The following RBM23 variants were observed in gnomAD, a reference collection of about 807,000 sequenced individuals.
RBM23 encodes the protein RNA binding motif protein 23.
In RBM23, 53 loss-of-function variants were observed where a neutral mutation model predicts 56.2. That is an observed-to-expected ratio of 0.94 (90% confidence interval 0.76 to 1.19). RBM23 has a LOEUF of 1.19. Among genes scored for constraint, RBM23 ranks in the 50% most tolerant of loss-of-function variants. The pLI is 0.00. For missense variants in RBM23, 642 were observed against 590.3 expected (o/e 1.09, Z -0.91); for synonymous variants, 197 against 198.5 (o/e 0.99, Z 0.06).
At chr14:22,915,903 T>C (rs2139136487) in intron 1 of RBM23, among the ~76,000 whole-genome samples, 1 of 152,362 alleles carries the variant, frequency 6.6e-6, no homozygotes, top group East Asian at 1.9e-4. Context: ...TAACGTTTTT[T>C]GAACTGCTCA....
Position 22,905,554 on chromosome 14 carries a change from A to C in RBM23, c.455+52T>G, listed in dbSNP as rs1414028459. ...ACATTCCTGTAATTTGGCTCAAATA[A>C]CCTTTTATTCATACCTCACAATCCC... On this transcript the variant is annotated intron_variant, in intron 6 of 13. Coordinates refer to ENST00000359890, the MANE Select transcript of RBM23 (RefSeq NM_001077351.2). The C allele has an allele frequency of 1.9e-6, 3 of 1,601,378 alleles. No homozygotes were observed. In the East Asian group the frequency reaches 6.7e-5, roughly 36 times the overall value.
intron 4 of RBM23, among the ~76,000 whole-genome samples, 190 bp from the exon 5 acceptor site, chr14:22,906,558 T>C (rs2041598478): frequency 6.6e-6 from 1 of 152,226 alleles, no homozygotes; most frequent in Non-Finnish European, 1.5e-5. Context: ...AACCAAACTA[T>C]TACCTACTGC....
rs959697028 is a variant in RBM23 at position 22,915,550 on chromosome 14, C to T, written c.-11+3449G>A. Among the ~76,000 whole-genome samples, 72 of 130,000 alleles carry T rather than the reference C, an allele frequency of 5.5e-4. 1 individual carries two copies. The Admixed American group carries it at 6.0e-3, about 11-fold the overall frequency. The allele number at this position is 130,000 out of a possible 152,430, so 85.3% of individuals were successfully genotyped here. On this transcript the variant is annotated intron_variant, in intron 1 of 13. Transcript: ENST00000359890. ...TAGCTCTGTTGTCCAGGCTGGAGTG[C>T]GGTGGCACAATCTCAGTTCACGCCA...
At chr14:22,901,779 T>C in intron 13 of RBM23, 35 bp downstream of exon 13, 1 of 1,613,894 alleles carries the variant, frequency 6.2e-7, no homozygotes, top group Middle Eastern at 1.6e-4. Flanking sequence ...AAGAGAATAA[T>C]CAAAGGCTAG....
Position 22,901,592 on chromosome 14 carries a change from G to A in RBM23, c.*138C>T. ...GAGCTTTTCTTGGTATCTTAAGGGT[G>A]GCCCCAATTTCCTCAGAGACAATGT... is the stretch of plus-strand genomic sequence containing the variant. On this transcript the variant is annotated 3_prime_UTR_variant, in exon 14 of 14. Transcript: ENST00000359890. 7.9e-7 allele frequency: 1 copy of A among 1,270,994 alleles called. No individual in the cohort carries two copies. The highest frequency in any genetic ancestry group is 1.3e-5 in the South Asian group (1 of 75,582). The allele number at this position is 1,270,994 out of a possible 1,614,324, so 78.7% of individuals were successfully genotyped here. A position where few individuals can be genotyped will look rare whatever the true frequency, so the allele number is the denominator to read the frequency against.
At chr14:22,914,326 A>AC (rs1269948578) in intron 1 of RBM23, among the ~76,000 whole-genome samples, 1 of 149,698 alleles carries the variant, frequency 6.7e-6, no homozygotes, top group Non-Finnish European at 1.5e-5. Flanking sequence ...TCTGTCTCAA[A>AC]AAAAAAAAAA....
At chr14:22,902,833 G>A in intron 10 of RBM23, 2 of 935,026 alleles carry the variant, frequency 2.1e-6, no homozygotes, top group Non-Finnish European at 2.5e-6. Context: ...AGAGTGCAGT[G>A]GCACCATGTC....
chr14:22,901,873 T>A lies in RBM23; in HGVS notation c.1257A>T (p.Pro419=). ...LNPAALTALS[P]ALNLASQCFQ... is the part of the protein sequence containing the mutation. ...AACACTGGGAGGCAAGGTTCAGGGC[T>A]GGACTCAGAGCTAGAACAAAGACAG... The change falls in exon 13 of 14, where the codon CCA becomes CCT. Residue 419 remains proline, a synonymous_variant. Transcript: ENST00000359890. The A allele has an allele frequency of 6.2e-7, 1 of 1,614,168 alleles. No homozygotes were observed. The highest frequency in any genetic ancestry group is 1.7e-5 in the Admixed American group (1 of 60,016).
chr14:22,902,148 A>C, intron 11 of RBM23, 39 bp downstream of exon 11: 1 of 1,606,558 alleles, frequency 6.2e-7, no homozygotes, highest in Admixed American at 1.7e-5. Context: ...TTCATCTAAA[A>C]TTCAACCCCA....
chr14:22,911,866 A>G, intron 1 of RBM23: 1 of 153,146 alleles, frequency 6.5e-6, no homozygotes, highest in South Asian at 2.0e-4. Context: ...AGCCAAGATC[A>G]CGCCACTGTA....
chr14:22,903,705 G>C, intron 10 of RBM23: 3 of 1,009,614 alleles, frequency 3.0e-6, no homozygotes, highest in Non-Finnish European at 3.6e-6. Flanking sequence ...GTCACATGGG[G>C]CTGGAAGAAC....
rs1336518194 is a variant in RBM23 at position 22,895,294 on chromosome 14, G to A, written c.*6436C>T. ...GAATCACTTGAACCCAGGAAGCAGA[G>A]GTTGCGGTGAGCCGAGATCGCACCA... On this transcript the variant is annotated 3_prime_UTR_variant, in exon 14 of 14. Transcript: ENST00000359890. The A allele has an allele frequency of 6.6e-6, 1 of 152,144 alleles. No homozygotes were observed. Among genetic ancestry groups the A allele is most frequent in the Non-Finnish European group, 1.5e-5 (1 of 68,074 alleles). 9.4% of individuals were successfully genotyped at this position (152,144 alleles called of 1,614,324 possible). A position where few individuals can be genotyped will look rare whatever the true frequency, so the allele number is the denominator to read the frequency against.
Position 22,904,767 on chromosome 14 carries a change from G to A in RBM23, c.864+108C>T, listed in dbSNP as rs756309321. On this transcript the variant is annotated intron_variant, in intron 9 of 13. Coordinates refer to ENST00000359890, the MANE Select transcript of RBM23 (RefSeq NM_001077351.2). The stretch of plus-strand genomic sequence containing the variant: ...CATAGACTCATATGCCCACTATGAC[G>A]TATGCAGCAGGTTAATCACGGCCAG... The A allele has an allele frequency of 5.7e-4, 846 of 1,494,952 alleles. 1 individual carries two copies. Among genetic ancestry groups the A allele is most frequent in the Non-Finnish European group, 6.6e-4 (718 of 1,095,236 alleles). The allele number at this position is 1,494,952 out of a possible 1,614,324, so 92.6% of individuals were successfully genotyped here. A position where few individuals can be genotyped will look rare whatever the true frequency, so the allele number is the denominator to read the frequency against.
chr14:22,903,046 T>C (rs1200180720), intron 10 of RBM23: 1 of 982,904 alleles, frequency 1.0e-6, no homozygotes, highest in African/African-American at 1.7e-5. Context: ...CCTCCCAAAC[T>C]GCTGGGATTA....
Position 22,897,631 on chromosome 14 carries a change from T to TA in RBM23, c.*4098dup, listed in dbSNP as rs2040268610. On this transcript the variant is annotated 3_prime_UTR_variant, in exon 14 of 14. Coordinates refer to ENST00000359890, the MANE Select transcript of RBM23 (RefSeq NM_001077351.2). Reference sequence around the variant, plus strand: ...CACCCACAAACACTGTCACTCAAGATAAGCAAAGACATGGCAGTGGAAAAA... The same window carrying TA: ...CACCCACAAACACTGTCACTCAAGATAAAGCAAAGACATGGCAGTGGAAAAA... 6.6e-6 allele frequency: 1 copy of TA among 152,226 alleles called. No homozygotes were observed. Among genetic ancestry groups the TA allele is most frequent in the African/African-American group, 2.4e-5 (1 of 41,436 alleles). The allele number at this position is 152,226 out of a possible 1,614,324, so 9.4% of individuals were successfully genotyped here.
rs1402838356 is a variant in RBM23, at chr14:22,901,683, G to C, written c.*47C>G. 22 of 1,598,906 alleles carry C rather than the reference G, an allele frequency of 1.4e-5. No homozygotes were observed. Among genetic ancestry groups the C allele is most frequent in the Non-Finnish European group, 1.8e-5 (21 of 1,166,330 alleles). ...GGGGCCATGGAAGAGTAGATGTGAA[G>C]TGGCAGGATCCAGAGGCACAAGGAG... On this transcript the variant is annotated 3_prime_UTR_variant, in exon 14 of 14. Coordinates refer to ENST00000359890, the MANE Select transcript of RBM23 (RefSeq NM_001077351.2).
intron 3 of RBM23, 23 bp from the exon 4 acceptor site, chr14:22,908,403 C>CTTT: frequency 4.6e-6 from 6 of 1,300,974 alleles, no homozygotes; most frequent in South Asian, 2.7e-5. Flanking sequence ...GTACATTCTT[C>CTTT]TTTTTTTTTT....
At position 22,908,319 on chromosome 14, in the gene RBM23, C is replaced by A. The variant is rs2041908878; in HGVS notation, c.227+14G>T. On this transcript the variant is annotated intron_variant, in intron 4 of 13. Transcript: ENST00000359890. ...AAAGATACGAGCCACTGTGCCTGGC[C>A]CAGAATTACTGACCTGCGCTTTCTA... 1 of 1,549,636 alleles carries A rather than the reference C, an allele frequency of 6.5e-7. No homozygotes were observed. Among genetic ancestry groups the A allele is most frequent in the South Asian group, 1.2e-5 (1 of 84,030 alleles).
In RBM23 at chr14:22,897,944, TA is replaced by T. The variant is rs1490172079; in HGVS notation, c.*3785del. 6.6e-6 allele frequency: 1 copy of T among 152,238 alleles called. No homozygotes were observed. Among genetic ancestry groups the T allele is most frequent in the African/African-American group, 2.4e-5 (1 of 41,458 alleles). 9.4% of individuals were successfully genotyped at this position (152,238 alleles called of 1,614,324 possible). A position where few individuals can be genotyped will look rare whatever the true frequency, so the allele number is the denominator to read the frequency against. On this transcript the variant is annotated 3_prime_UTR_variant, in exon 14 of 14. Coordinates refer to ENST00000359890, the MANE Select transcript of RBM23 (RefSeq NM_001077351.2). ...TGACTTAATACACGATTAGAACACC[TA>T]ACCTACAACCAACCTTGCATAAATG...
Sources: gnomAD v4.1 joint callset for allele counts (sites outside exome capture counted in the v4.1 genomes callset) on GRCh38, gnomAD v4.1.1 for gene constraint, MANE v1.5 for transcripts, NCBI Gene and HGNC (gene_info 2026-07-23, HGNC 2026-07-21) for gene names.